Variants in TMEM132C observed in about 807,000 individuals in gnomAD.
The protein encoded by TMEM132C is protein phosphatase 1, regulatory subunit 152.
A neutral mutation model predicts 61.4 loss-of-function variants in TMEM132C; 29 were observed. The ratio of observed to expected loss-of-function variants is 0.47; its 90% CI spans 0.35 to 0.64. The LOEUF is 0.64. Among genes scored for constraint, TMEM132C ranks in the 30% least tolerant of loss-of-function variants. The probability of loss-of-function intolerance (pLI) is 0.00; values close to 1 mark genes in which losing one functional copy is unlikely to be tolerated. For synonymous variants in TMEM132C, 656 were observed against 633.1 expected, an observed-to-expected ratio of 1.04 and a Z score of -0.54; for missense variants, 1,408 against 1,476.9, an observed-to-expected ratio of 0.95 and a Z score of 0.76.
intron 1 of TMEM132C, among the ~76,000 whole-genome samples, chr12:128,295,007 A>G (rs927564990): frequency 1.3e-5 from 2 of 150,376 alleles, no homozygotes; most frequent in African/African-American, 2.5e-5. Flanking sequence ...AGATAGGTAG[A>G]TAGATAAGAA....
chr12:128,693,058 T>C (rs948781977), intron 5 of TMEM132C, among the ~76,000 whole-genome samples: 23 of 152,230 alleles, frequency 1.5e-4, no homozygotes, highest in African/African-American at 5.3e-4. Context: ...AGGGGTCTCA[T>C]AAGGAACCCC....
At position 128,398,347 on chromosome 12, in the gene TMEM132C, A is replaced by G. The variant is rs141007385; in HGVS notation, c.86-16385A>G. Among the ~76,000 whole-genome samples the G allele has an allele frequency of 3.1e-3, 472 of 152,162 alleles. 1 individual carries two copies. The highest frequency in any genetic ancestry group is 0.011 in the African/African-American group (447 of 41,502). On this transcript the variant is annotated intron_variant, in intron 1 of 8. Transcript: ENST00000435159. ...ACCTTTGTGTCTACCAAGGACTGAC[A>G]CTCTCTCTCCGCAGGGAAAAATGGA... is the stretch of plus-strand genomic sequence containing the variant.
At chr12:128,662,666 G>A (rs1015803132) in intron 4 of TMEM132C, among the ~76,000 whole-genome samples, 3 of 152,128 alleles carry the variant, frequency 2.0e-5, no homozygotes, top group Non-Finnish European at 4.4e-5. Context: ...ACAACTACCC[G>A]CTTCATGGGT....
intron 1 of TMEM132C, among the ~76,000 whole-genome samples, chr12:128,387,158 A>AAAG (rs1555221783): frequency 6.6e-5 from 10 of 151,640 alleles, no homozygotes; most frequent in Non-Finnish European, 1.3e-4. Flanking sequence ...AAAAAAAAAA[A>AAAG]AAAGAAACTA....
At chr12:128,628,454 A>G (rs551489637) in intron 4 of TMEM132C, among the ~76,000 whole-genome samples, 2 of 152,174 alleles carry the variant, frequency 1.3e-5, no homozygotes, top group African/African-American at 4.8e-5. Context: ...CTGTGCTTAC[A>G]TCTTCTCAGG....
Position 128,399,745 on chromosome 12 carries a change from C to T in TMEM132C, c.86-14987C>T, listed in dbSNP as rs1351164466. Among the ~76,000 whole-genome samples, 4 of 152,052 alleles carry T rather than the reference C, an allele frequency of 2.6e-5. 1 individual carries two copies. Among genetic ancestry groups the T allele is most frequent in the African/African-American group, 4.8e-5 (2 of 41,400 alleles). Reference sequence around the variant, plus strand: ...CCTGTGGGTCAAACACAGCCCACCACCAGTTTCTGTGTGGTGGCCTGAAAA... The same window carrying T: ...CCTGTGGGTCAAACACAGCCCACCATCAGTTTCTGTGTGGTGGCCTGAAAA... On this transcript the variant is annotated intron_variant, in intron 1 of 8. Coordinates refer to ENST00000435159, the MANE Select transcript of TMEM132C (RefSeq NM_001136103.3).
At position 128,587,702 on chromosome 12, in the gene TMEM132C, C is replaced by T. The variant is rs1875601678; in HGVS notation, c.1122-28450C>T. On this transcript the variant is annotated intron_variant, in intron 3 of 8. Transcript: ENST00000435159. ...CCTTCAAGCTCAGGACTTTCTCCTG[C>T]AGGAAGAGCTAATGAGGCACTCACT... Among the ~76,000 whole-genome samples, 3 of 152,192 alleles carry T rather than the reference C, an allele frequency of 2.0e-5. No individual in the cohort carries two copies. In the South Asian group the frequency reaches 6.2e-4, roughly 32 times the overall value.
At chr12:128,546,129 T>C (rs1873942856) in intron 3 of TMEM132C, among the ~76,000 whole-genome samples, 1 of 152,158 alleles carries the variant, frequency 6.6e-6, no homozygotes, top group South Asian at 2.1e-4. Flanking sequence ...TCACCATCAT[T>C]ACCCCAAGAA....
chr12:128,270,842 AT>A, intron 1 of TMEM132C, among the ~76,000 whole-genome samples: 1 of 152,192 alleles, frequency 6.6e-6, no homozygotes, highest in South Asian at 2.1e-4. Context: ...AATGTGTCCT[AT>A]TATAGTTCTT....
At chr12:128,459,193 C>G (rs1425824031) in intron 2 of TMEM132C, among the ~76,000 whole-genome samples, 1 of 152,178 alleles carries the variant, frequency 6.6e-6, no homozygotes, top group Non-Finnish European at 1.5e-5. Context: ...CTGCATACCT[C>G]TAATTTCCAT....
intron 3 of TMEM132C, among the ~76,000 whole-genome samples, chr12:128,549,118 G>T (rs1255182128): frequency 6.6e-6 from 1 of 152,182 alleles, no homozygotes; most frequent in Non-Finnish European, 1.5e-5. Flanking sequence ...CTGCCTTGGG[G>T]TGTGAGCTGG....
intron 8 of TMEM132C, among the ~76,000 whole-genome samples, chr12:128,702,450 A>G (rs1223294031): frequency 6.6e-6 from 1 of 151,890 alleles, no homozygotes; most frequent in East Asian, 1.9e-4. Flanking sequence ...GGTTTCCTTT[A>G]AGTTATAGCC....
intron 8 of TMEM132C, among the ~76,000 whole-genome samples, chr12:128,703,126 A>G (rs926262180): frequency 1.2e-4 from 18 of 152,072 alleles, no homozygotes; most frequent in African/African-American, 4.3e-4. Flanking sequence ...ATATGACTGG[A>G]CATATTTCTT....
intron 1 of TMEM132C, among the ~76,000 whole-genome samples, chr12:128,411,809 A>G (rs1003614686): frequency 6.6e-6 from 1 of 152,206 alleles, no homozygotes; most frequent in African/African-American, 2.4e-5. Context: ...ATCTGAATAT[A>G]TATATTATAA....
intron 2 of TMEM132C, among the ~76,000 whole-genome samples, chr12:128,541,770 T>C (rs965894708): frequency 3.9e-5 from 6 of 152,168 alleles, no homozygotes; most frequent in African/African-American, 1.2e-4. Flanking sequence ...TGGCTGGCTG[T>C]TTGGAGAGGC....
At chr12:128,363,205 T>C (rs11059662) in intron 1 of TMEM132C, among the ~76,000 whole-genome samples, 64,589 of 152,154 alleles carry the variant, frequency 0.42, 13,939 homozygotes, top group East Asian at 0.48. Context: ...AGCACATGGT[T>C]TTAATTAAAA....
chr12:128,705,901 C>T lies in TMEM132C; in HGVS notation c.2933C>T (p.Ala978Val). 2 of 1,551,356 alleles carry T rather than the reference C, an allele frequency of 1.3e-6. No individual in the cohort carries two copies. Among genetic ancestry groups the T allele is most frequent in the Non-Finnish European group, 1.7e-6 (2 of 1,146,978 alleles). Residue 978 changes from alanine (A) to valine (V), a missense_variant, in exon 9 of 9, where the codon GCC becomes GTC. Ala to Val is a moderately conservative substitution (Grantham distance 64). Coordinates refer to ENST00000435159, the MANE Select transcript of TMEM132C (RefSeq NM_001136103.3). ...SHDWVWLGNE[A>V]ELLESMGDAP... ...GACTGGGTGTGGCTTGGCAATGAGG[C>T]CGAACTCCTGGAGAGCATGGGGGAT...
intron 5 of TMEM132C, among the ~76,000 whole-genome samples, chr12:128,676,781 A>G (rs1226326002): frequency 1.3e-5 from 2 of 152,224 alleles, no homozygotes; most frequent in Non-Finnish European, 2.9e-5. Context: ...ATTTCTGCCT[A>G]TTCCTTCTCT....
intron 1 of TMEM132C, among the ~76,000 whole-genome samples, chr12:128,397,034 C>T (rs757807148): frequency 6.6e-6 from 1 of 152,160 alleles, no homozygotes; most frequent in Non-Finnish European, 1.5e-5. Context: ...GCGGATGGCA[C>T]TCAGAGGCTT....
Sources: allele counts gnomAD v4.1 joint callset (sites outside exome capture counted in the v4.1 genomes callset), GRCh38; gene constraint gnomAD v4.1.1; transcripts MANE v1.5; gene names NCBI Gene and HGNC (gene_info 2026-07-23, HGNC 2026-07-21).